Variants in PRKG1 observed in about 807,000 individuals in gnomAD.
PRKG1 encodes the protein cGMP-dependent protein kinase 1.
A neutral mutation model predicts 88.1 loss-of-function variants in PRKG1; 35 were observed. That is an observed-to-expected ratio of 0.40 (90% CI 0.30 to 0.53). The LOEUF (loss-of-function observed/expected upper bound fraction) is 0.53, where lower values mean the gene tolerates loss of function less well. Ranked by LOEUF, PRKG1 falls within the 20% of genes least tolerant of loss-of-function variation. The pLI, the probability that PRKG1 is intolerant of heterozygous loss-of-function variation, is 0.59. For synonymous variants in PRKG1, 303 were observed against 292.5 expected (o/e 1.04, Z -0.37); for missense variants, 540 against 839.8 (o/e 0.64, Z 4.41).
chr10:51,692,311 C>T (rs776853152), intron 3 of PRKG1, among the ~76,000 whole-genome samples: 5 of 152,032 alleles, frequency 3.3e-5, no homozygotes, highest in Non-Finnish European at 5.9e-5. Context: ...GGCGCGATCT[C>T]GGCTCACTGC....
At chr10:51,296,949 TATAAC>T (rs777760438) in intron 2 of PRKG1, among the ~76,000 whole-genome samples, 8 of 152,122 alleles carry the variant, frequency 5.3e-5, no homozygotes, top group Non-Finnish European at 1.0e-4. Flanking sequence ...CTTGAATAAA[TATAAC>T]AGAGTGAACA....
intron 3 of PRKG1, among the ~76,000 whole-genome samples, chr10:51,514,942 C>T (rs932217588): frequency 6.6e-6 from 1 of 152,074 alleles, no homozygotes; most frequent in Admixed American, 6.6e-5. Flanking sequence ...GAGAGGCTGT[C>T]CTGTGCATTG....
At chr10:51,214,209 T>C (rs866309128) in intron 2 of PRKG1, among the ~76,000 whole-genome samples, 37 of 152,196 alleles carry the variant, frequency 2.4e-4, no homozygotes, top group African/African-American at 7.0e-4. Flanking sequence ...CATATGTACA[T>C]ACACATGTAT....
chr10:51,045,656 AT>A (rs1350109384), intron 1 of PRKG1, among the ~76,000 whole-genome samples: 1 of 152,208 alleles, frequency 6.6e-6, no homozygotes, highest in Non-Finnish European at 1.5e-5. Flanking sequence ...GTCCTTGTCC[AT>A]ATGCACATGT....
chr10:51,808,212 T>G (rs1342528832), intron 4 of PRKG1, among the ~76,000 whole-genome samples: 1 of 152,214 alleles, frequency 6.6e-6, no homozygotes, highest in African/African-American at 2.4e-5. Context: ...TATAAAACTT[T>G]AAAGTTTTTT....
At chr10:51,369,603 A>C (rs1337105280) in intron 2 of PRKG1, among the ~76,000 whole-genome samples, 1 of 152,140 alleles carries the variant, frequency 6.6e-6, no homozygotes, top group African/African-American at 2.4e-5. Flanking sequence ...CCAAGGCTGT[A>C]CAGCTTCTTG....
intron 9 of PRKG1, among the ~76,000 whole-genome samples, chr10:52,205,255 T>C (rs1373234873): frequency 6.6e-6 from 1 of 152,166 alleles, no homozygotes; most frequent in Non-Finnish European, 1.5e-5. Context: ...CCTTGAAGCA[T>C]ATGACCTCTG....
intron 3 of PRKG1, among the ~76,000 whole-genome samples, chr10:51,507,153 G>C (rs1166839935): frequency 7.1e-6 from 1 of 141,312 alleles, no homozygotes; most frequent in African/African-American, 2.6e-5. Context: ...GCCTGTTGTG[G>C]AGTAGGGGGA....
intron 5 of PRKG1, among the ~76,000 whole-genome samples, chr10:51,998,949 A>G (rs1451904888): frequency 6.6e-6 from 1 of 152,142 alleles, no homozygotes; most frequent in African/African-American, 2.4e-5. Context: ...CTAAGGGTGT[A>G]TGTGCTGCTT....
intron 3 of PRKG1, among the ~76,000 whole-genome samples, chr10:51,533,093 ATGAC>A (rs1183068933): frequency 6.6e-6 from 1 of 152,190 alleles, no homozygotes; most frequent in Non-Finnish European, 1.5e-5. Flanking sequence ...TGACACAGAA[ATGAC>A]TAATTTTCTT....
intron 1 of PRKG1, among the ~76,000 whole-genome samples, chr10:51,116,900 T>C (rs778713732): frequency 1.3e-5 from 2 of 151,990 alleles, no homozygotes; most frequent in Non-Finnish European, 2.9e-5. Context: ...TGAGTAGAGG[T>C]GGGAGCCTGG....
chr10:51,316,685 A>AAAATAAAT (rs139669190), intron 2 of PRKG1, among the ~76,000 whole-genome samples: 2,789 of 150,982 alleles, frequency 0.018, 67 homozygotes, highest in African/African-American at 0.059. Flanking sequence ...TCCGTCTCAA[A>AAAATAAAT]AAATAAATAA....
chr10:51,501,530 C>G (rs1037039779), intron 3 of PRKG1, among the ~76,000 whole-genome samples: 13 of 152,096 alleles, frequency 8.5e-5, no homozygotes, highest in African/African-American at 2.4e-5. Context: ...GACATCCAAG[C>G]TCTCTCCATC....
At chr10:51,698,342 C>G in intron 3 of PRKG1, 2 of 1,614,184 alleles carry the variant, frequency 1.2e-6, no homozygotes, top group Non-Finnish European at 1.7e-6. Flanking sequence ...AGGTAGACCC[C>G]TTTGATCTAT....
rs571104318 is a variant in PRKG1, at chr10:51,005,058, T to A, written c.266+13414T>A. ...CCTCGGTAGAGATTTCATTTCATTA[T>A]TTTTTTCTTGGTCATTGTAGTGATA... On this transcript the variant is annotated intron_variant, in intron 1 of 17. Transcript: ENST00000401604. Among the ~76,000 whole-genome samples the A allele has an allele frequency of 5.3e-5, 8 of 152,310 alleles. No homozygotes were observed. The East Asian group carries it at 1.3e-3, about 26-fold the overall frequency.
intron 3 of PRKG1, among the ~76,000 whole-genome samples, chr10:51,555,438 G>GA (rs1488839907): frequency 2.0e-5 from 3 of 151,746 alleles, no homozygotes; most frequent in African/African-American, 7.3e-5. Flanking sequence ...CTTTATTGAA[G>GA]AAAAAATACA....
At chr10:52,025,351 G>T (rs954295322) in intron 5 of PRKG1, among the ~76,000 whole-genome samples, 1 of 152,078 alleles carries the variant, frequency 6.6e-6, no homozygotes, top group African/African-American at 2.4e-5. Context: ...TTTGTCAATT[G>T]TGGCTTTTGT....
At chr10:51,958,982 T>A (rs957504996) in intron 5 of PRKG1, among the ~76,000 whole-genome samples, 1 of 152,182 alleles carries the variant, frequency 6.6e-6, no homozygotes, top group Non-Finnish European at 1.5e-5. Context: ...TTTATGGCCA[T>A]TTTCTCACTT....
At chr10:51,570,863 G>A (rs1156497056) in intron 3 of PRKG1, among the ~76,000 whole-genome samples, 3 of 151,846 alleles carry the variant, frequency 2.0e-5, no homozygotes, top group Non-Finnish European at 4.4e-5. Flanking sequence ...CCCCAATATA[G>A]TTTTGAAATT....
Sources: allele counts gnomAD v4.1 joint callset (sites outside exome capture counted in the v4.1 genomes callset), GRCh38; gene constraint gnomAD v4.1.1; transcripts MANE v1.5; gene names NCBI Gene and HGNC (gene_info 2026-07-23, HGNC 2026-07-21).